WWOX: variants seen among roughly 807,000 people sequenced by gnomAD.
WWOX encodes the protein WW domain-containing oxidoreductase.
WWOX carries 69 observed loss-of-function variants against 46.2 expected under a neutral mutation model. The ratio of observed to expected loss-of-function variants is 1.49; its 90% CI spans 1.23 to 1.82. WWOX has a LOEUF of 1.82. WWOX is among the 40% of genes most tolerant of loss of function. The pLI is 0.00. For missense variants in WWOX, 919 were observed against 542.6 expected, an observed-to-expected ratio of 1.69 and a Z score of -6.89; for synonymous variants, 359 against 202.6, an observed-to-expected ratio of 1.77 and a Z score of -6.56.
At chr16:78,750,024 A>G (rs1324705936) in intron 8 of WWOX, among the ~76,000 whole-genome samples, 1 of 152,218 alleles carries the variant, frequency 6.6e-6, no homozygotes, top group African/African-American at 2.4e-5. Flanking sequence ...TCAGTAGTAG[A>G]TAGACTCTAT....
At chr16:78,383,149 C>T (rs922580944) in intron 5 of WWOX, among the ~76,000 whole-genome samples, 1 of 151,618 alleles carries the variant, frequency 6.6e-6, no homozygotes. Context: ...CAGGCCCCAC[C>T]TCCAGTATTG....
At chr16:78,899,793 A>G (rs1326535974) in intron 8 of WWOX, 1 of 152,174 alleles carries the variant, frequency 6.6e-6, no homozygotes, top group Non-Finnish European at 1.5e-5. Flanking sequence ...AAAATCTTTT[A>G]TATTTGTGTT....
intron 5 of WWOX, chr16:78,266,116 G>T (rs2079356698): frequency 6.6e-6 from 1 of 152,156 alleles, no homozygotes; most frequent in African/African-American, 2.4e-5. Context: ...TACACACTGT[G>T]GTTTGAAGGT....
intron 8 of WWOX, among the ~76,000 whole-genome samples, chr16:78,702,100 T>TTTTATATATATATATATATATATATA (rs1491267639): frequency 2.5e-5 from 2 of 81,228 alleles, no homozygotes; most frequent in African/African-American, 1.4e-4. Context: ...ATCTATAAAG[T>TTTTATATATATATATATATATATATA]TATATATATA....
At chr16:79,164,333 G>A (rs115348168) in intron 8 of WWOX, among the ~76,000 whole-genome samples, 3 of 152,082 alleles carry the variant, frequency 2.0e-5, no homozygotes, top group Non-Finnish European at 4.4e-5. Flanking sequence ...CGGGGAGATG[G>A]CCATGATTGC....
chr16:78,131,114 G>A (rs2033575887), intron 4 of WWOX, among the ~76,000 whole-genome samples: 2 of 152,122 alleles, frequency 1.3e-5, no homozygotes, highest in African/African-American at 2.4e-5. Context: ...TAATCTTATG[G>A]GACCGCCGTT....
intron 8 of WWOX, among the ~76,000 whole-genome samples, chr16:79,080,492 ACTC>A (rs2150580837): frequency 6.6e-6 from 1 of 152,240 alleles, no homozygotes; most frequent in African/African-American, 2.4e-5. Context: ...AGCTGTTTAT[ACTC>A]CTCTTTGCAC....
At chr16:78,278,684 G>T in intron 5 of WWOX, 2 of 1,589,336 alleles carry the variant, frequency 1.3e-6, no homozygotes, top group South Asian at 1.1e-5. Context: ...AAAAGATCTT[G>T]AATAGTCTCA....
At chr16:78,792,638 T>C (rs982307203) in intron 8 of WWOX, among the ~76,000 whole-genome samples, 3 of 152,188 alleles carry the variant, frequency 2.0e-5, no homozygotes, top group African/African-American at 7.2e-5. Flanking sequence ...ATTATAATTA[T>C]TTTAGTAAGG....
intron 8 of WWOX, among the ~76,000 whole-genome samples, chr16:78,532,077 T>G (rs1444085527): frequency 6.6e-6 from 1 of 151,426 alleles, no homozygotes; most frequent in Non-Finnish European, 1.5e-5. Context: ...TTTTTTTTTT[T>G]CTTTTTCCCT....
At chr16:78,983,793 C>T (rs2046730073) in intron 8 of WWOX, among the ~76,000 whole-genome samples, 1 of 151,738 alleles carries the variant, frequency 6.6e-6, no homozygotes, top group Non-Finnish European at 1.5e-5. Context: ...GACATATCTC[C>T]TACAGCAGGT....
intron 8 of WWOX, among the ~76,000 whole-genome samples, chr16:79,015,557 A>G (rs573050711): frequency 5.3e-5 from 8 of 152,196 alleles, no homozygotes; most frequent in African/African-American, 1.9e-4. Context: ...CTCCAGGAAC[A>G]GTCCTGGTTC....
chr16:78,555,772 C>G (rs1327229721), intron 8 of WWOX, among the ~76,000 whole-genome samples: 1 of 152,022 alleles, frequency 6.6e-6, no homozygotes, highest in Non-Finnish European at 1.5e-5. Flanking sequence ...AAAGAAGCCT[C>G]TTGTTTGACT....
chr16:78,110,405 A>G (rs1207385103), intron 3 of WWOX, among the ~76,000 whole-genome samples: 1 of 150,862 alleles, frequency 6.6e-6, no homozygotes, highest in African/African-American at 2.4e-5. Flanking sequence ...TGCTTTTTCC[A>G]TGTAATATAT....
chr16:78,631,245 G>A (rs972761192), intron 8 of WWOX, among the ~76,000 whole-genome samples: 10 of 152,108 alleles, frequency 6.6e-5, no homozygotes, highest in African/African-American at 1.2e-4. Flanking sequence ...CAGGTCAGTC[G>A]TGACATCTCA....
chr16:79,147,773 T>C (rs919738565), intron 8 of WWOX, among the ~76,000 whole-genome samples: 1 of 152,210 alleles, frequency 6.6e-6, no homozygotes, highest in African/African-American at 2.4e-5. Context: ...ATTTTAGCCA[T>C]TCTGGTAAAC....
chr16:78,702,036 T>A (rs2048230609), intron 8 of WWOX, among the ~76,000 whole-genome samples: 1 of 131,400 alleles, frequency 7.6e-6, no homozygotes, highest in Admixed American at 7.8e-5. Flanking sequence ...TATATATATA[T>A]ATATATATAA....
At chr16:78,918,056 G>A (rs1031463262) in intron 8 of WWOX, among the ~76,000 whole-genome samples, 1 of 151,970 alleles carries the variant, frequency 6.6e-6, no homozygotes, top group Non-Finnish European at 1.5e-5. Flanking sequence ...TTTAAAATTA[G>A]CCAGGCGTGG....
chr16:78,721,194 GC>G (rs2048681196), intron 8 of WWOX, among the ~76,000 whole-genome samples: 1 of 152,104 alleles, frequency 6.6e-6, no homozygotes, highest in African/African-American at 2.4e-5. Context: ...TATATTATAG[GC>G]CATTATACTT....
Sources: gnomAD v4.1 joint callset for allele counts (sites outside exome capture counted in the v4.1 genomes callset) on GRCh38, gnomAD v4.1.1 for gene constraint, MANE v1.5 for transcripts, NCBI Gene and HGNC (gene_info 2026-07-23, HGNC 2026-07-21) for gene names.